Variants in CCDC3 observed in about 807,000 individuals in gnomAD.
CCDC3 encodes coiled-coil domain-containing protein 3.
In CCDC3, 24 loss-of-function variants were observed where a neutral mutation model predicts 21.4. That is an observed-to-expected ratio of 1.12 (90% CI 0.81 to 1.58). The LOEUF is 1.58. CCDC3 is among the 40% of genes most tolerant of loss of function. The pLI is 0.00. For synonymous variants in CCDC3, 186 were observed against 166.0 expected (o/e 1.12, Z -0.93); for missense variants, 425 against 360.9 (o/e 1.18, Z -1.44).
At chr10:12,922,688 CA>C (rs1354722602) in intron 2 of CCDC3, among the ~76,000 whole-genome samples, 1 of 152,072 alleles carries the variant, frequency 6.6e-6, no homozygotes, top group African/African-American at 2.4e-5. Flanking sequence ...CGCAGGAACC[CA>C]GGATGTTTAT....
At chr10:13,057,065 G>A (rs1836690330) in intron 4 of CCDC3, among the ~76,000 whole-genome samples, 1 of 151,948 alleles carries the variant, frequency 6.6e-6, no homozygotes, top group South Asian at 2.1e-4. Flanking sequence ...GCCGAGGCGG[G>A]AGGATTGCTT....
rs184338740 is a variant in CCDC3 at position 13,082,978 on chromosome 10, T to C, written c.-502-8878A>G. ...TTCTTTATTATACTGGAACAGCTTG[T>C]GCCCTCGGTCTCTTGCCTCAGCACC... is the stretch of plus-strand genomic sequence containing the variant. On this transcript the variant is annotated intron_variant, in intron 3 of 6. Transcript: ENST00000378839. Among the ~76,000 whole-genome samples, 34 of 152,350 alleles carry C rather than the reference T, an allele frequency of 2.2e-4. No individual in the cohort carries two copies. In the East Asian group the frequency reaches 3.9e-3, roughly 17 times the overall value.
At chr10:13,087,239 T>C (rs1321545874) in intron 3 of CCDC3, among the ~76,000 whole-genome samples, 1 of 152,010 alleles carries the variant, frequency 6.6e-6, no homozygotes, top group South Asian at 2.1e-4. Context: ...ACCCAGTCTC[T>C]ACTAAAAATA....
rs112635290 is a variant in CCDC3, at chr10:12,935,822, C to G, written c.550-37143G>C. On this transcript the variant is annotated intron_variant, in intron 2 of 2. Transcript: ENST00000378825. ...CTGGGACTGCAGGCGTGAGCCAGTG[C>G]GCCCGGCCAACCCAAGTACACTTTC... Among the ~76,000 whole-genome samples the G allele has an allele frequency of 2.2e-3, 340 of 152,232 alleles. 4 individuals carry two copies. Among genetic ancestry groups the G allele is most frequent in the African/African-American group, 7.9e-3 (327 of 41,552 alleles).
intron 2 of CCDC3, among the ~76,000 whole-genome samples, chr10:12,912,874 C>G: frequency 6.6e-6 from 1 of 152,200 alleles, no homozygotes; most frequent in East Asian, 1.9e-4. Context: ...CTGTCCTCTC[C>G]CCGTTGCATG....
chr10:12,909,319 G>A (rs1311785045), intron 2 of CCDC3, among the ~76,000 whole-genome samples: 1 of 152,170 alleles, frequency 6.6e-6, no homozygotes, highest in Non-Finnish European at 1.5e-5. Context: ...CAGCCTCCGT[G>A]GCATCCCAGG....
chr10:12,904,135 G>C (rs1834133585), intron 2 of CCDC3, among the ~76,000 whole-genome samples: 1 of 151,990 alleles, frequency 6.6e-6, no homozygotes, highest in Admixed American at 6.6e-5. Flanking sequence ...AGCATCTGGT[G>C]GTTCCACTTG....
At chr10:13,053,824 C>A (rs1480184274) in intron 4 of CCDC3, among the ~76,000 whole-genome samples, 1 of 152,074 alleles carries the variant, frequency 6.6e-6, no homozygotes, top group South Asian at 2.1e-4. Flanking sequence ...CATCTGGCAC[C>A]ATGTGGCACA....
At chr10:13,044,146 T>G (rs1836495457) in intron 5 of CCDC3, among the ~76,000 whole-genome samples, 1 of 152,238 alleles carries the variant, frequency 6.6e-6, no homozygotes, top group Non-Finnish European at 1.5e-5. Context: ...GTTGGCCATT[T>G]GTACAGCTTC....
chr10:12,927,374 A>T (rs1834559583), intron 2 of CCDC3, among the ~76,000 whole-genome samples: 1 of 152,222 alleles, frequency 6.6e-6, no homozygotes, highest in Non-Finnish European at 1.5e-5. Context: ...TACCACACTT[A>T]AAATTAACAA....
intron 2 of CCDC3, among the ~76,000 whole-genome samples, chr10:12,904,270 C>T (rs1048530603): frequency 1.7e-4 from 26 of 151,854 alleles, no homozygotes; most frequent in African/African-American, 5.6e-4. Flanking sequence ...AGTTTGAGAC[C>T]AGCCTGGGAA....
intron 3 of CCDC3, among the ~76,000 whole-genome samples, chr10:13,081,060 G>C (rs1315899923): frequency 6.6e-6 from 1 of 151,444 alleles, no homozygotes; most frequent in Non-Finnish European, 1.5e-5. Context: ...GATATGCAAA[G>C]TCCTAACAAA....
intron 4 of CCDC3, among the ~76,000 whole-genome samples, chr10:13,056,217 C>T (rs1025295559): frequency 6.6e-6 from 1 of 152,156 alleles, no homozygotes; most frequent in African/African-American, 2.4e-5. Flanking sequence ...GCAATTCCAC[C>T]ATCTTCAGCC....
At chr10:13,066,734 G>A (rs927190423) in intron 4 of CCDC3, among the ~76,000 whole-genome samples, 1 of 152,194 alleles carries the variant, frequency 6.6e-6, no homozygotes, top group Non-Finnish European at 1.5e-5. Context: ...CTGCCCACAC[G>A]TGCACTGGGG....
At chr10:13,007,131 T>C (rs775953287) in intron 5 of CCDC3, among the ~76,000 whole-genome samples, 1 of 152,160 alleles carries the variant, frequency 6.6e-6, no homozygotes, top group Non-Finnish European at 1.5e-5. Context: ...ACCACAGAGA[T>C]GTTCAAGGAT....
At chr10:12,904,326 C>T (rs999496091) in intron 2 of CCDC3, among the ~76,000 whole-genome samples, 2 of 151,582 alleles carry the variant, frequency 1.3e-5, no homozygotes, top group South Asian at 2.1e-4. Context: ...AAAAATAGCC[C>T]GGCATAGTGG....
chr10:12,911,446 G>A (rs1834269616), intron 2 of CCDC3, among the ~76,000 whole-genome samples: 1 of 152,082 alleles, frequency 6.6e-6, no homozygotes, highest in Admixed American at 6.5e-5. Context: ...AATGAGAAAT[G>A]GGAAAAAGTC....
At chr10:12,970,190 G>A (rs1680024739) in intron 2 of CCDC3, among the ~76,000 whole-genome samples, 1 of 152,122 alleles carries the variant, frequency 6.6e-6, no homozygotes, top group South Asian at 2.1e-4. Context: ...GGTGAGGGGA[G>A]ATGTTGGTCA....
At chr10:13,052,208 T>G (rs1311702282) in intron 4 of CCDC3, among the ~76,000 whole-genome samples, 1 of 152,010 alleles carries the variant, frequency 6.6e-6, no homozygotes, top group Non-Finnish European at 1.5e-5. Flanking sequence ...ACTCAGTCTC[T>G]ACAAAAAATT....
Sources: allele counts gnomAD v4.1 joint callset (sites outside exome capture counted in the v4.1 genomes callset), GRCh38; gene constraint gnomAD v4.1.1; transcripts MANE v1.5; gene names NCBI Gene and HGNC (gene_info 2026-07-23, HGNC 2026-07-21).